Variants in TMEFF1 observed in about 807,000 individuals in gnomAD.
TMEFF1 encodes the protein transmembrane protein with EGF like and two follistatin like domains 1, also known as tomoregulin-1.
Under a neutral mutation model 47.5 loss-of-function variants are expected in TMEFF1, and 20 were observed. That is an observed-to-expected ratio of 0.42 (90% confidence interval 0.30 to 0.61). The LOEUF (loss-of-function observed/expected upper bound fraction) is 0.61, where lower values mean the gene tolerates loss of function less well. Among genes scored for constraint, TMEFF1 ranks in the 20% least tolerant of loss-of-function variants. TMEFF1 has a pLI of 0.19. For synonymous variants in TMEFF1, 162 were observed against 166.3 expected, an observed-to-expected ratio of 0.97 and a Z score of 0.20; for missense variants, 411 against 471.1, an observed-to-expected ratio of 0.87 and a Z score of 1.18.
chr9:100,491,234 G>A (rs992814437), intron 1 of TMEFF1, among the ~76,000 whole-genome samples: 1 of 152,120 alleles, frequency 6.6e-6, no homozygotes, highest in Non-Finnish European at 1.5e-5. Context: ...TTTGTAGGCA[G>A]TTGGGTACAT....
At chr9:100,498,709 A>T in intron 1 of TMEFF1, 56 bp from the exon 2 acceptor site, 1 of 1,544,462 alleles carries the variant, frequency 6.5e-7, no homozygotes, top group Non-Finnish European at 8.9e-7. Context: ...GCGCACAGAC[A>T]CACACACGTA....
chr9:100,530,952 A>G (rs1252187082), intron 5 of TMEFF1, among the ~76,000 whole-genome samples: 2 of 152,016 alleles, frequency 1.3e-5, no homozygotes, highest in African/African-American at 2.4e-5. Flanking sequence ...CAATAAATGT[A>G]ATCCAGCATA....
intron 5 of TMEFF1, among the ~76,000 whole-genome samples, chr9:100,539,585 G>A (rs1337060200): frequency 6.6e-6 from 1 of 152,162 alleles, no homozygotes. Flanking sequence ...TGGGTTTGTG[G>A]TCTTGCTGGC....
chr9:100,532,935 G>A (rs965860063), intron 5 of TMEFF1, among the ~76,000 whole-genome samples: 7 of 152,060 alleles, frequency 4.6e-5, no homozygotes, highest in African/African-American at 1.2e-4. Flanking sequence ...CATGTCCTTT[G>A]TAGGGACATG....
intron 3 of TMEFF1, among the ~76,000 whole-genome samples, chr9:100,511,245 GT>G (rs1564014107): frequency 6.6e-6 from 1 of 152,154 alleles, no homozygotes. Context: ...CTCAAATTAT[GT>G]TTCACTTATG....
chr9:100,541,056 C>T (rs1038089786), intron 5 of TMEFF1, among the ~76,000 whole-genome samples: 6 of 152,236 alleles, frequency 3.9e-5, no homozygotes, highest in African/African-American at 9.6e-5. Context: ...CTCAGTCTTA[C>T]GTTTGATCTC....
intron 8 of TMEFF1, among the ~76,000 whole-genome samples, chr9:100,571,166 T>G (rs1839231412): frequency 6.6e-6 from 1 of 152,330 alleles, no homozygotes; most frequent in South Asian, 2.1e-4. Flanking sequence ...CACTGAAAAG[T>G]GTCTTGAATA....
At chr9:100,501,621 T>TTTGA (rs1159435193) in intron 2 of TMEFF1, among the ~76,000 whole-genome samples, 1 of 152,080 alleles carries the variant, frequency 6.6e-6, no homozygotes, top group Non-Finnish European at 1.5e-5. Context: ...AACCTGCTGC[T>TTTGA]TTGATTTATT....
chr9:100,512,013 A>G (rs1035609818), intron 3 of TMEFF1, among the ~76,000 whole-genome samples: 2 of 152,194 alleles, frequency 1.3e-5, no homozygotes, highest in Admixed American at 1.3e-4. Flanking sequence ...TGGGAGTAGT[A>G]TCTTGTGTAC....
At chr9:100,569,123 T>C (rs2800290) in intron 8 of TMEFF1, among the ~76,000 whole-genome samples, 57,741 of 152,042 alleles carry the variant, frequency 0.38, 11,486 homozygotes, top group Admixed American at 0.45. Flanking sequence ...ATGGTAACCC[T>C]GTGTTTAACA....
chr9:100,565,818 GA>G (rs1839115646), intron 8 of TMEFF1, among the ~76,000 whole-genome samples: 2 of 151,770 alleles, frequency 1.3e-5, no homozygotes, highest in Admixed American at 6.6e-5. Flanking sequence ...TTCCATCTTG[GA>G]AAAAAACTCC....
chr9:100,576,767 A>G lies in TMEFF1; in HGVS notation c.*167A>G. On this transcript the variant is annotated 3_prime_UTR_variant, in exon 10 of 10. Coordinates refer to ENST00000374879, the MANE Select transcript of TMEFF1 (RefSeq NM_003692.5). ...CTACGACAGTTTTGGACTGTTTAGT[A>G]GTCTTTGTTTTATGTTTTTAAATAC... is the stretch of plus-strand genomic sequence containing the variant. 2 of 722,438 alleles carry G rather than the reference A, an allele frequency of 2.8e-6. No individual in the cohort carries two copies. Among genetic ancestry groups the G allele is most frequent in the Non-Finnish European group, 4.1e-6 (2 of 482,180 alleles). 44.8% of individuals were successfully genotyped at this position (722,438 alleles called of 1,614,324 possible).
At chr9:100,530,044 A>G (rs1294679291) in intron 5 of TMEFF1, among the ~76,000 whole-genome samples, 5 of 151,990 alleles carry the variant, frequency 3.3e-5, no homozygotes, top group Non-Finnish European at 4.4e-5. Flanking sequence ...TTTGAAACCA[A>G]CGAGAACAAA....
chr9:100,527,411 G>T (rs1466406492), intron 5 of TMEFF1, among the ~76,000 whole-genome samples: 1 of 152,224 alleles, frequency 6.6e-6, no homozygotes, highest in Non-Finnish European at 1.5e-5. Context: ...AGCAGGGCGA[G>T]GCATTGCCTC....
chr9:100,500,702 T>C (rs1161097023), intron 2 of TMEFF1, among the ~76,000 whole-genome samples: 1 of 152,260 alleles, frequency 6.6e-6, no homozygotes, highest in African/African-American at 2.4e-5. Context: ...TCCTCAGGTA[T>C]TGCCTCTGTT....
At chr9:100,488,290 C>T (rs1314015636) in intron 1 of TMEFF1, among the ~76,000 whole-genome samples, 1 of 152,054 alleles carries the variant, frequency 6.6e-6, no homozygotes, top group Non-Finnish European at 1.5e-5. Flanking sequence ...CTACCAAAGT[C>T]TGTGTAGTAT....
chr9:100,499,575 C>T (rs185588706), intron 2 of TMEFF1, among the ~76,000 whole-genome samples: 16 of 152,200 alleles, frequency 1.1e-4, no homozygotes, highest in Admixed American at 4.6e-4. Context: ...TTATTCTAAA[C>T]GTACCCACCA....
chr9:100,549,899 A>G, intron 6 of TMEFF1, among the ~76,000 whole-genome samples, 196 bp from the exon 7 acceptor site: 1 of 152,192 alleles, frequency 6.6e-6, no homozygotes, highest in East Asian at 1.9e-4. Context: ...TCATCATGCA[A>G]AGAGCACTTA....
At chr9:100,528,494 A>G (rs1838310499) in intron 5 of TMEFF1, among the ~76,000 whole-genome samples, 1 of 146,632 alleles carries the variant, frequency 6.8e-6, no homozygotes, top group African/African-American at 2.6e-5. Context: ...GGTATCAGCG[A>G]TGGAAGATGA....
Sources: allele counts gnomAD v4.1 joint callset (sites outside exome capture counted in the v4.1 genomes callset), GRCh38; gene constraint gnomAD v4.1.1; transcripts MANE v1.5; gene names NCBI Gene and HGNC (gene_info 2026-07-23, HGNC 2026-07-21).